Variants in DYRK4 observed in about 807,000 individuals in gnomAD.
DYRK4 encodes the protein dual specificity tyrosine-phosphorylation-regulated kinase 4.
DYRK4 carries 64 observed loss-of-function variants against 68.3 expected under a neutral mutation model. The ratio of observed to expected loss-of-function variants is 0.94; its 90% confidence interval spans 0.77 to 1.15. DYRK4 has a LOEUF of 1.15. Ranked by LOEUF, DYRK4 falls within the 50% of genes most tolerant of loss-of-function variation. The pLI, the probability that DYRK4 is intolerant of heterozygous loss-of-function variation, is 0.00. For missense variants in DYRK4, 740 were observed against 764.7 expected (o/e 0.97, Z 0.38); for synonymous variants, 274 against 289.9 (o/e 0.95, Z 0.56).
chr12:4,578,169 C>G (rs1047753837), intron 2 of DYRK4, among the ~76,000 whole-genome samples: 2 of 152,174 alleles, frequency 1.3e-5, no homozygotes, highest in African/African-American at 4.8e-5. Context: ...TGCCTTTCAT[C>G]AGTTCTGAAA....
rs541933671 is a variant in DYRK4, at chr12:4,597,806, G to A, written c.905+1077G>A. Among the ~76,000 whole-genome samples, 5 of 152,256 alleles carry A rather than the reference G, an allele frequency of 3.3e-5. No homozygotes were observed. The East Asian group carries it at 7.7e-4, about 24-fold the overall frequency. On this transcript the variant is annotated intron_variant, in intron 8 of 14. Coordinates refer to ENST00000543431, the MANE Select transcript of DYRK4 (RefSeq NM_001394779.1). ...TGTAATCCCAGCACTTTGGGAGGCC[G>A]AGGTGGGTGGATCACTTGAGGTCAG... is the stretch of plus-strand genomic sequence containing the variant.
intron 2 of DYRK4, 102 bp from the exon 3 acceptor site, chr12:4,588,835 G>C: frequency 9.0e-7 from 1 of 1,112,742 alleles, no homozygotes; most frequent in Non-Finnish European, 1.3e-6. Flanking sequence ...ATTCAGGAGA[G>C]CTGGCCTCAA....
At chr12:4,604,818 CG>C (rs1945121501) in intron 10 of DYRK4, 95 bp from the exon 11 acceptor site, 4 of 1,405,332 alleles carry the variant, frequency 2.8e-6, no homozygotes, top group South Asian at 1.6e-5. Context: ...TCACTGCCAG[CG>C]GGGGCGCAGT....
At chr12:4,583,039 G>A (rs1230336921) in intron 2 of DYRK4, among the ~76,000 whole-genome samples, 1 of 152,192 alleles carries the variant, frequency 6.6e-6, no homozygotes, top group Non-Finnish European at 1.5e-5. Context: ...GCCTGAACTA[G>A]GGATGTGGTG....
chr12:4,593,831 T>C (rs1441981405), intron 6 of DYRK4, among the ~76,000 whole-genome samples: 2 of 152,234 alleles, frequency 1.3e-5, no homozygotes, highest in Admixed American at 6.5e-5. Flanking sequence ...TCGGAACATT[T>C]CATTGCAACT....
chr12:4,606,495 G>A (rs1480047333), intron 11 of DYRK4, among the ~76,000 whole-genome samples: 1 of 152,186 alleles, frequency 6.6e-6, no homozygotes, highest in African/African-American at 2.4e-5. Context: ...GTGGTGGAAT[G>A]AACACTGGCC....
In DYRK4 at chr12:4,571,006, A is replaced by G. The variant is rs1237372319; in HGVS notation, c.132+2958A>G. Reference sequence around the variant, plus strand: ...TATTTGTCGTAACTGCCGGCAGGGGAAACAGAGGCCCTTTGGTCCTCAGTC... The same window carrying G: ...TATTTGTCGTAACTGCCGGCAGGGGGAACAGAGGCCCTTTGGTCCTCAGTC... On this transcript the variant is annotated intron_variant, in intron 2 of 14. Transcript: ENST00000543431. Among the ~76,000 whole-genome samples, 5 of 152,274 alleles carry G rather than the reference A, an allele frequency of 3.3e-5. 1 individual carries two copies. The highest frequency in any genetic ancestry group is 6.8e-3 in the Middle Eastern group (2 of 294).
At chr12:4,566,444 G>A (rs796430448) in intron 1 of DYRK4, among the ~76,000 whole-genome samples, 11 of 152,282 alleles carry the variant, frequency 7.2e-5, no homozygotes, top group African/African-American at 2.4e-4. Context: ...TGACACTCCT[G>A]CCTGCTCTGC....
At chr12:4,593,522 A>G (rs888823037) in intron 6 of DYRK4, among the ~76,000 whole-genome samples, 2 of 152,158 alleles carry the variant, frequency 1.3e-5, no homozygotes, top group African/African-American at 4.8e-5. Context: ...TTGTCTCTTC[A>G]ATACAAGCCC....
At chr12:4,608,235 AG>A in intron 12 of DYRK4, among the ~76,000 whole-genome samples, 1 of 152,300 alleles carries the variant, frequency 6.6e-6, no homozygotes, top group Non-Finnish European at 1.5e-5. Context: ...TAGGAGGAAA[AG>A]GGAACTCCAC....
chr12:4,603,941 G>C (rs1467709661), intron 10 of DYRK4, among the ~76,000 whole-genome samples: 2 of 152,134 alleles, frequency 1.3e-5, no homozygotes, highest in African/African-American at 4.8e-5. Flanking sequence ...CTGTGAGGCA[G>C]TATCTAATAT....
At chr12:4,605,668 T>C (rs1320261151) in intron 11 of DYRK4, among the ~76,000 whole-genome samples, 1 of 150,478 alleles carries the variant, frequency 6.6e-6, no homozygotes, top group African/African-American at 2.4e-5. Flanking sequence ...TTGATAATTA[T>C]TGAAAATAAA....
chr12:4,596,345 GA>G (rs1180300059), intron 7 of DYRK4, 60 bp downstream of exon 7: 2 of 1,605,706 alleles, frequency 1.2e-6, no homozygotes, highest in African/African-American at 2.7e-5. Flanking sequence ...GGCCCCTGCA[GA>G]ATGCCAGCCC....
Position 4,613,669 on chromosome 12 carries a change from C to CG in DYRK4, c.1825dup (p.Ala609GlyfsTer58). 6.2e-7 allele frequency: 1 copy of CG among 1,613,120 alleles called. No individual in the cohort carries two copies. The highest frequency in any genetic ancestry group is 8.5e-7 in the Non-Finnish European group (1 of 1,179,172). On this transcript the variant is annotated frameshift_variant, in exon 15 of 15. Transcript: ENST00000543431. LOFTEE classifies it low-confidence loss of function (END_TRUNC). The surrounding 1 kb of genome is among the most constrained non-coding windows in gnomAD (Gnocchi z 4.0). ...CTCCCAAGAAGTCAGAGGCAGCTGT[C>CG]GGGGCGGAGGTGTCCATGACCTCCC...
At chr12:4,563,606 C>G (rs1165465252) in intron 1 of DYRK4, among the ~76,000 whole-genome samples, 1 of 152,224 alleles carries the variant, frequency 6.6e-6, no homozygotes, top group African/African-American at 2.4e-5. Flanking sequence ...ACTGTAGCTA[C>G]TTTGAGATCA....
chr12:4,613,818 G>A lies in DYRK4; in HGVS notation c.*65G>A, dbSNP rs1945258818. ...TTTGTATTAAGACAGCACTTATATT[G>A]TACAATACTTCAGACTGTTTTTTTT... On this transcript the variant is annotated 3_prime_UTR_variant, in exon 15 of 15. Transcript: ENST00000543431. This position sits in a 1 kb window ranked among gnomAD's most constrained non-coding sequence, Gnocchi z 4.0. 2 of 1,400,498 alleles carry A rather than the reference G, an allele frequency of 1.4e-6. No individual in the cohort carries two copies. The highest frequency in any genetic ancestry group is 1.9e-6 in the Non-Finnish European group (2 of 1,067,818). 86.8% of individuals were successfully genotyped at this position (1,400,498 alleles called of 1,614,324 possible). A position where few individuals can be genotyped will look rare whatever the true frequency, so the allele number is the denominator to read the frequency against.
At chr12:4,579,709 A>G (rs1481869475) in intron 2 of DYRK4, among the ~76,000 whole-genome samples, 1 of 152,236 alleles carries the variant, frequency 6.6e-6, no homozygotes, top group Non-Finnish European at 1.5e-5. Context: ...AATCCACTTT[A>G]TATTATAGGA....
intron 2 of DYRK4, among the ~76,000 whole-genome samples, chr12:4,581,618 G>A (rs1464108622): frequency 6.6e-6 from 1 of 152,152 alleles, no homozygotes; most frequent in Non-Finnish European, 1.5e-5. Context: ...CTAGAACAGG[G>A]CAAGGATGGA....
chr12:4,562,360 G>A, intron 1 of DYRK4, 77 bp downstream of exon 1: 1 of 1,464,374 alleles, frequency 6.8e-7, no homozygotes, highest in South Asian at 1.3e-5. Context: ...TCTGGTCGAC[G>A]GGGTCGTGGG....
Sources: gnomAD v4.1 joint callset for allele counts (sites outside exome capture counted in the v4.1 genomes callset) on GRCh38, gnomAD v4.1.1 for gene constraint, Gnocchi (gnomAD v3.1) non-coding constraint, MANE v1.5 for transcripts, NCBI Gene and HGNC (gene_info 2026-07-23, HGNC 2026-07-21) for gene names.